The following ROBO2 variants were observed in gnomAD, a reference collection of about 807,000 sequenced individuals.
ROBO2 encodes the protein roundabout homolog 2.
A neutral mutation model predicts 160.8 loss-of-function variants in ROBO2; 53 were observed. The ratio of observed to expected loss-of-function variants is 0.33; its 90% CI spans 0.26 to 0.41. ROBO2 has a LOEUF of 0.41. Among genes scored for constraint, ROBO2 ranks in the 10% least tolerant of loss-of-function variants. The probability of loss-of-function intolerance (pLI) is 1.00; values close to 1 mark genes in which losing one functional copy is unlikely to be tolerated. For missense variants in ROBO2, 1,577 were observed against 1,722.4 expected (o/e 0.92, Z 1.49); for synonymous variants, 664 against 611.7 (o/e 1.09, Z -1.26).
At chr3:76,820,182 A>G (rs2065996819) in intron 2 of ROBO2, among the ~76,000 whole-genome samples, 1 of 152,030 alleles carries the variant, frequency 6.6e-6, no homozygotes, top group Non-Finnish European at 1.5e-5. Flanking sequence ...TTCAAGTACA[A>G]TTATATTCTG....
At chr3:77,566,928 CAG>C (rs1451533921) in intron 12 of ROBO2, among the ~76,000 whole-genome samples, 2 of 152,004 alleles carry the variant, frequency 1.3e-5, no homozygotes, top group Non-Finnish European at 2.9e-5. Flanking sequence ...TATTAAATAA[CAG>C]AGAATCTAGA....
At position 76,869,342 on chromosome 3, in the gene ROBO2, G is replaced by GTTTTT. The variant is rs34051755; in HGVS notation, c.110-228651_110-228647dup. 3.0e-3 allele frequency among the ~76,000 whole-genome samples: 213 copies of GTTTTT among 71,378 alleles called. 8 individuals are homozygous for GTTTTT. Among genetic ancestry groups the GTTTTT allele is most frequent in the African/African-American group, 3.8e-3 (75 of 19,626 alleles). The allele number at this position is 71,378 out of a possible 152,430, so 46.8% of individuals were successfully genotyped here. ...TTTTATGTGCCTAGTAGAAATTGAT[G>GTTTTT]TTTTTTTTTTTTTTTTTTTTTTTTT... On this transcript the variant is annotated intron_variant, in intron 2 of 26. Coordinates refer to the ROBO2 transcript ENST00000487694.
At chr3:76,347,416 A>G (rs6548425) in intron 2 of ROBO2, among the ~76,000 whole-genome samples, 147,600 of 152,202 alleles carry the variant, frequency 0.97, 71,726 homozygotes, top group Middle Eastern at 1. Flanking sequence ...GTGTGTGTGC[A>G]TTTTTAGGTG....
intron 2 of ROBO2, among the ~76,000 whole-genome samples, chr3:76,834,074 CTTTCTTT>C (rs2067383732): frequency 9.7e-6 from 1 of 102,706 alleles, no homozygotes; most frequent in African/African-American, 3.8e-5. Flanking sequence ...TTCTTTCTTT[CTTTCTTT>C]CTTTCTTTCT....
intron 2 of ROBO2, among the ~76,000 whole-genome samples, chr3:77,100,613 T>A (rs532686773): frequency 4.7e-4 from 71 of 152,160 alleles, no homozygotes; most frequent in Admixed American, 1.8e-3. Flanking sequence ...ATTCACTTAG[T>A]TTATTAATAG....
rs115035051 is a variant in ROBO2 at position 77,505,790 on chromosome 3, A to G, written c.806+12408A>G. On this transcript the variant is annotated intron_variant, in intron 5 of 25. Transcript: ENST00000461745. ...CTTATCATTGTTATTTGATAAATGA[A>G]GAATCTGAGGGGCAAATATAAATGA... Among the ~76,000 whole-genome samples, 1,159 of 152,326 alleles carry G rather than the reference A, an allele frequency of 7.6e-3. 20 individuals are homozygous for G. Among genetic ancestry groups the G allele is most frequent in the African/African-American group, 0.027 (1,102 of 41,550 alleles).
intron 1 of ROBO2, among the ~76,000 whole-genome samples, chr3:75,910,381 A>T (rs1946522194): frequency 6.6e-6 from 1 of 152,210 alleles, no homozygotes; most frequent in South Asian, 2.1e-4. Context: ...GCTTTCTTGG[A>T]TACAAATTTG....
intron 2 of ROBO2, among the ~76,000 whole-genome samples, chr3:76,917,597 T>C (rs972917725): frequency 9.2e-5 from 14 of 152,198 alleles, no homozygotes; most frequent in African/African-American, 3.1e-4. Flanking sequence ...TTGGATTCTA[T>C]AACAATTTGT....
chr3:77,206,853 A>C (rs1402733318), intron 2 of ROBO2, among the ~76,000 whole-genome samples: 1 of 152,132 alleles, frequency 6.6e-6, no homozygotes, highest in Non-Finnish European at 1.5e-5. Flanking sequence ...CCATTGATGA[A>C]ACCATTCAAG....
At chr3:77,145,590 A>C (rs569276164) in intron 2 of ROBO2, among the ~76,000 whole-genome samples, 1 of 152,292 alleles carries the variant, frequency 6.6e-6, no homozygotes, top group African/African-American at 2.4e-5. Context: ...AAATTAAGCA[A>C]ACTATAGAAC....
intron 2 of ROBO2, among the ~76,000 whole-genome samples, chr3:76,356,541 T>A (rs2075177089): frequency 1.3e-5 from 2 of 151,598 alleles, no homozygotes; most frequent in Admixed American, 6.6e-5. Flanking sequence ...GAATATCTAT[T>A]ACCAGATTGA....
chr3:75,921,132 T>A (rs992086097), intron 1 of ROBO2, among the ~76,000 whole-genome samples: 1 of 152,098 alleles, frequency 6.6e-6, no homozygotes, highest in African/African-American at 2.4e-5. Context: ...GTTTCATTGG[T>A]TTTTATATTT....
intron 2 of ROBO2, among the ~76,000 whole-genome samples, chr3:77,392,114 A>G (rs1240148159): frequency 1.3e-5 from 2 of 152,166 alleles, no homozygotes; most frequent in East Asian, 1.9e-4. Context: ...ATATTCATCT[A>G]TTCTTTGACT....
intron 2 of ROBO2, among the ~76,000 whole-genome samples, chr3:76,269,092 A>G (rs1707270932): frequency 6.6e-6 from 1 of 152,114 alleles, no homozygotes; most frequent in Non-Finnish European, 1.5e-5. Flanking sequence ...AAGATCTAGT[A>G]TTTGATAGCA....
intron 2 of ROBO2, among the ~76,000 whole-genome samples, chr3:76,997,598 G>A (rs1456001348): frequency 2.0e-5 from 3 of 152,142 alleles, no homozygotes; most frequent in African/African-American, 7.2e-5. Flanking sequence ...TGTGTTACAA[G>A]TGAAAAGAAA....
rs1559861232 is a variant in ROBO2 at position 76,386,359 on chromosome 3, CT to C, written c.109+448759del. 2.0e-3 allele frequency among the ~76,000 whole-genome samples: 209 copies of C among 104,518 alleles called. 1 individual carries two copies. Among genetic ancestry groups the C allele is most frequent in the African/African-American group, 4.8e-3 (123 of 25,742 alleles). 68.6% of individuals were successfully genotyped at this position (104,518 alleles called of 152,430 possible). ...CCTCCCTCCCTCCCTCCCTCCCTCC[CT>C]TCCTTCCTCCCCTCCTTTCAGAAGT... On this transcript the variant is annotated intron_variant, in intron 2 of 26. Transcript: ENST00000487694.
intron 1 of ROBO2, among the ~76,000 whole-genome samples, chr3:75,908,598 C>G (rs947708208): frequency 1.3e-5 from 2 of 152,042 alleles, no homozygotes; most frequent in African/African-American, 4.8e-5. Context: ...TATTTAACTT[C>G]AAGTTTAGTT....
chr3:77,305,828 A>C (rs2063052087), intron 2 of ROBO2, among the ~76,000 whole-genome samples: 2 of 152,214 alleles, frequency 1.3e-5, no homozygotes, highest in African/African-American at 4.8e-5. Context: ...CTCCAGATGG[A>C]GTATGAAATT....
intron 2 of ROBO2, among the ~76,000 whole-genome samples, chr3:76,773,328 A>T (rs1276443321): frequency 6.6e-6 from 1 of 150,698 alleles, no homozygotes; most frequent in African/African-American, 2.4e-5. Flanking sequence ...TTCATGAAGG[A>T]TTTTTTTCTT....
Sources: allele counts gnomAD v4.1 joint callset (sites outside exome capture counted in the v4.1 genomes callset), GRCh38; gene constraint gnomAD v4.1.1; transcripts MANE v1.5; gene names NCBI Gene and HGNC (gene_info 2026-07-23, HGNC 2026-07-21).